The following RGL1 variants were observed in gnomAD, a reference collection of about 807,000 sequenced individuals.
RGL1 encodes the protein ral guanine nucleotide dissociation stimulator-like 1.
RGL1 carries 24 observed loss-of-function variants against 95.2 expected under a neutral mutation model. The observed-to-expected ratio is 0.25, with a 90% CI of 0.18 to 0.35. The LOEUF (loss-of-function observed/expected upper bound fraction) is 0.35, where lower values mean the gene tolerates loss of function less well. Among genes scored for constraint, RGL1 ranks in the 10% least tolerant of loss-of-function variants. The probability of loss-of-function intolerance (pLI) is 1.00; values close to 1 mark genes in which losing one functional copy is unlikely to be tolerated. For missense variants in RGL1, 715 were observed against 936.3 expected (o/e 0.76, Z 3.08); for synonymous variants, 329 against 344.9 (o/e 0.95, Z 0.51).
chr1:183,790,852 G>T (rs1167032186), intron 2 of RGL1, among the ~76,000 whole-genome samples: 2 of 151,850 alleles, frequency 1.3e-5, no homozygotes, highest in Non-Finnish European at 2.9e-5. Flanking sequence ...TTGAAATGAA[G>T]GCCAGCCCAC....
intron 13 of RGL1, 147 bp downstream of exon 13, chr1:183,905,118 G>A: frequency 7.3e-6 from 7 of 963,136 alleles, no homozygotes; most frequent in Middle Eastern, 2.6e-4. Context: ...GGCGCATGGT[G>A]TGGCAGGAAA....
chr1:183,879,004 G>A (rs1666674463), intron 4 of RGL1, among the ~76,000 whole-genome samples: 2 of 152,178 alleles, frequency 1.3e-5, no homozygotes, highest in Admixed American at 1.3e-4. Flanking sequence ...TGATGTAAAT[G>A]CAAATATCAG....
At chr1:183,810,695 T>G (rs1402848265) in intron 2 of RGL1, among the ~76,000 whole-genome samples, 1 of 152,212 alleles carries the variant, frequency 6.6e-6, no homozygotes, top group Non-Finnish European at 1.5e-5. Context: ...AAGTTGACTC[T>G]CACTTGGATG....
At chr1:183,708,197 T>C (rs60771493) in intron 1 of RGL1, among the ~76,000 whole-genome samples, 72,112 of 151,804 alleles carry the variant, frequency 0.48, 17,765 homozygotes, top group East Asian at 0.76. Flanking sequence ...TATGAGGCAG[T>C]CTAGAGGCTG....
chr1:183,899,162 G>A (rs1301170330), intron 10 of RGL1, among the ~76,000 whole-genome samples: 1 of 152,226 alleles, frequency 6.6e-6, no homozygotes, highest in Non-Finnish European at 1.5e-5. Flanking sequence ...TAGAAGTGCA[G>A]TTTCCCTCAT....
In RGL1 at chr1:183,805,233, A is replaced by G. The variant is rs1279912401; in HGVS notation, c.-65A>G. 1.9e-6 allele frequency: 3 copies of G among 1,597,446 alleles called. No homozygotes were observed. Among genetic ancestry groups the G allele is most frequent in the Non-Finnish European group, 2.6e-6 (3 of 1,172,678 alleles). Reference sequence around the variant, plus strand: ...GGCGCCGCGGGGCTGAGCCCAGCAGACATTGCGTTGGCCTCCGAGCAGGGC... The same window carrying G: ...GGCGCCGCGGGGCTGAGCCCAGCAGGCATTGCGTTGGCCTCCGAGCAGGGC... On this transcript the variant is annotated 5_prime_UTR_variant, in exon 1 of 18. Coordinates refer to ENST00000360851, the MANE Select transcript of RGL1 (RefSeq NM_001297671.3).
chr1:183,801,202 T>C (rs1360736565), upstream of RGL1, among the ~76,000 whole-genome samples: 1 of 151,660 alleles, frequency 6.6e-6, no homozygotes, highest in Non-Finnish European at 1.5e-5. Flanking sequence ...CCTTAACAGG[T>C]TTGAGGTTAC....
intron 7 of RGL1, among the ~76,000 whole-genome samples, chr1:183,887,455 T>C (rs1169371552): frequency 2.0e-5 from 3 of 152,074 alleles, no homozygotes; most frequent in Non-Finnish European, 4.4e-5. Context: ...GCCCAATCAC[T>C]CTGGGACTTC....
chr1:183,821,803 G>A (rs754298731), intron 2 of RGL1, among the ~76,000 whole-genome samples: 14 of 152,078 alleles, frequency 9.2e-5, no homozygotes, highest in Non-Finnish European at 1.6e-4. Flanking sequence ...CTTGCTTCTC[G>A]GAGACTTTTT....
intron 1 of RGL1, 140 bp downstream of exon 1, chr1:183,805,464 G>A (rs1661228847): frequency 4.0e-6 from 3 of 758,142 alleles, no homozygotes; most frequent in African/African-American, 1.7e-5. Context: ...CTCTCACTCC[G>A]CTTTGTATTC....
intron 17 of RGL1, 40 bp downstream of exon 17, chr1:183,922,376 C>A: frequency 1.3e-6 from 2 of 1,482,412 alleles, no homozygotes; most frequent in Non-Finnish European, 1.9e-6. Flanking sequence ...CTTCCCAGGG[C>A]AGGTGGCTAG....
intron 1 of RGL1, among the ~76,000 whole-genome samples, chr1:183,695,885 AAAAAAAACTGATTTACAGATAAAT>A (rs1654224587): frequency 6.6e-6 from 1 of 152,212 alleles, no homozygotes; most frequent in Non-Finnish European, 1.5e-5. Flanking sequence ...CCCCACTGAA[AAAAAAAACTGATTTACAGATAAAT>A]TCTTGAAAAT....
intron 1 of RGL1, among the ~76,000 whole-genome samples, chr1:183,681,662 G>A (rs543896738): frequency 8.5e-5 from 13 of 152,208 alleles, no homozygotes; most frequent in African/African-American, 1.7e-4. Context: ...TCTGCCAGGC[G>A]TTGGTATCAG....
At chr1:183,884,062 T>G in intron 6 of RGL1, 152 bp downstream of exon 6, 1 of 783,796 alleles carries the variant, frequency 1.3e-6, no homozygotes, top group Non-Finnish European at 2.1e-6. Context: ...AGTTAAGATG[T>G]GTCTTGAATC....
chr1:183,782,922 A>G (rs1014431985), intron 2 of RGL1, among the ~76,000 whole-genome samples: 12 of 152,166 alleles, frequency 7.9e-5, no homozygotes, highest in African/African-American at 2.9e-4. Context: ...ATTGTACTGG[A>G]TGCAAGAATC....
intron 2 of RGL1, among the ~76,000 whole-genome samples, chr1:183,748,852 T>TATTTCTGC (rs1182064571): frequency 6.6e-6 from 1 of 152,238 alleles, no homozygotes; most frequent in East Asian, 1.9e-4. Context: ...AGGACTTATT[T>TATTTCTGC]ATTTCTGCCT....
chr1:183,823,586 C>G (rs570525712), intron 2 of RGL1, among the ~76,000 whole-genome samples: 1 of 152,142 alleles, frequency 6.6e-6, no homozygotes, highest in Non-Finnish European at 1.5e-5. Flanking sequence ...ATTTTTTTCA[C>G]CATTCAGTAT....
At chr1:183,817,404 T>G (rs751368276) in intron 2 of RGL1, among the ~76,000 whole-genome samples, 5 of 152,220 alleles carry the variant, frequency 3.3e-5, no homozygotes, top group Non-Finnish European at 7.3e-5. Context: ...TATAGCTGCT[T>G]CCTTCTTGCT....
chr1:183,917,904 A>G (rs1669075343), intron 16 of RGL1, among the ~76,000 whole-genome samples: 1 of 152,204 alleles, frequency 6.6e-6, no homozygotes, highest in Admixed American at 6.5e-5. Context: ...GTGTCGGGGT[A>G]GACTGGAGGC....
Sources: gnomAD v4.1 joint callset for allele counts (sites outside exome capture counted in the v4.1 genomes callset) on GRCh38, gnomAD v4.1.1 for gene constraint, MANE v1.5 for transcripts, NCBI Gene and HGNC (gene_info 2026-07-23, HGNC 2026-07-21) for gene names.